Variants in CDH2 observed in about 807,000 individuals in gnomAD.
The protein encoded by CDH2 is cadherin 2, also known as cadherin-2.
CDH2 carries 17 observed loss-of-function variants against 92.0 expected under a neutral mutation model. The observed-to-expected ratio is 0.18, with a 90% CI of 0.13 to 0.28. CDH2 has a LOEUF of 0.28. Ranked by LOEUF, CDH2 falls within the 10% of genes least tolerant of loss-of-function variation. The pLI, the probability that CDH2 is intolerant of heterozygous loss-of-function variation, is 1.00. For missense variants in CDH2, 862 were observed against 1,133.1 expected (o/e 0.76, Z 3.44); for synonymous variants, 419 against 415.9 (o/e 1.01, Z -0.09).
chr18:28,098,461 C>G (rs1289192090), intron 2 of CDH2, among the ~76,000 whole-genome samples: 1 of 152,078 alleles, frequency 6.6e-6, no homozygotes, highest in Non-Finnish European at 1.5e-5. Context: ...TGATCAATAC[C>G]TTGTTTTATG....
chr18:28,159,665 T>TG (rs1001684203), intron 1 of CDH2, among the ~76,000 whole-genome samples: 2 of 151,564 alleles, frequency 1.3e-5, no homozygotes, highest in Non-Finnish European at 2.9e-5. Flanking sequence ...TTTGTTTTTT[T>TG]TTTTTTTTTG....
At chr18:28,135,606 G>C (rs900562819) in intron 2 of CDH2, among the ~76,000 whole-genome samples, 1 of 152,146 alleles carries the variant, frequency 6.6e-6, no homozygotes, top group Non-Finnish European at 1.5e-5. Context: ...TAAATGCAAA[G>C]AGATGCTTTA....
intron 2 of CDH2, among the ~76,000 whole-genome samples, chr18:28,127,541 A>G (rs1265456432): frequency 6.6e-6 from 1 of 152,204 alleles, no homozygotes; most frequent in Non-Finnish European, 1.5e-5. Context: ...ATTTTATTTA[A>G]TGTTCCTAAA....
intron 2 of CDH2, among the ~76,000 whole-genome samples, chr18:28,060,878 T>G (rs948566577): frequency 6.6e-6 from 1 of 152,196 alleles, no homozygotes; most frequent in African/African-American, 2.4e-5. Context: ...TTTTCGGGCA[T>G]TTCCAAAGGA....
chr18:28,136,624 A>G (rs11564336), intron 2 of CDH2, among the ~76,000 whole-genome samples: 31,285 of 152,070 alleles, frequency 0.21, 3,742 homozygotes, highest in Non-Finnish European at 0.28. Context: ...GTCTACCCAA[A>G]GACATAAAGT....
intron 2 of CDH2, among the ~76,000 whole-genome samples, chr18:28,104,344 T>C (rs1047550924): frequency 6.6e-6 from 1 of 152,134 alleles, no homozygotes. Flanking sequence ...ATCATAAAAT[T>C]TGATAACAGG....
chr18:28,059,241 G>A (rs2014354393), intron 2 of CDH2, among the ~76,000 whole-genome samples: 1 of 152,196 alleles, frequency 6.6e-6, no homozygotes, highest in South Asian at 2.1e-4. Context: ...TGAATAACAG[G>A]TTAAGACTGG....
At chr18:27,962,873 A>G (rs2011444358) in intron 15 of CDH2, among the ~76,000 whole-genome samples, 1 of 151,902 alleles carries the variant, frequency 6.6e-6, no homozygotes, top group South Asian at 2.1e-4. Flanking sequence ...AATCACTTAC[A>G]TAATATTTAA....
At chr18:28,071,703 T>C (rs2014621235) in intron 2 of CDH2, among the ~76,000 whole-genome samples, 1 of 152,332 alleles carries the variant, frequency 6.6e-6, no homozygotes, top group Admixed American at 6.5e-5. Context: ...TTAAGATAAA[T>C]ACTGTCACTT....
At chr18:28,044,694 T>C (rs964874478) in intron 2 of CDH2, among the ~76,000 whole-genome samples, 7 of 152,126 alleles carry the variant, frequency 4.6e-5, no homozygotes, top group African/African-American at 1.7e-4. Flanking sequence ...ATGTTTGGGT[T>C]CAATGGTTCA....
At chr18:28,097,277 G>A (rs1379064500) in intron 2 of CDH2, 1 of 151,822 alleles carries the variant, frequency 6.6e-6, no homozygotes, top group East Asian at 1.9e-4. Context: ...GACCAAAAAG[G>A]GATTGAAAAT....
intron 1 of CDH2, among the ~76,000 whole-genome samples, chr18:28,155,092 T>C (rs1003632452): frequency 6.6e-6 from 1 of 152,188 alleles, no homozygotes; most frequent in Admixed American, 6.5e-5. Context: ...AGGCCTTCTT[T>C]TGCATTATGT....
intron 2 of CDH2, among the ~76,000 whole-genome samples, chr18:28,068,670 A>G (rs998211262): frequency 1.3e-5 from 2 of 152,214 alleles, no homozygotes; most frequent in South Asian, 2.1e-4. Context: ...TATAAAAATA[A>G]TAACATTAGC....
intron 2 of CDH2, among the ~76,000 whole-genome samples, chr18:28,070,647 G>A (rs683457): frequency 0.54 from 82,131 of 152,078 alleles, 22,977 homozygotes; most frequent in African/African-American, 0.69. Context: ...TGGAATACCT[G>A]CTGTGAGTTG....
At chr18:28,176,823 CGCGCG>C (rs776383044) in intron 1 of CDH2, 135 bp downstream of exon 1, 27 of 278,980 alleles carry the variant, frequency 9.7e-5, no homozygotes, top group East Asian at 3.5e-4. Context: ...AGCTACCGGC[CGCGCG>C]GCGCGGCGCG....
At chr18:28,060,046 T>A (rs982565171) in intron 2 of CDH2, among the ~76,000 whole-genome samples, 6 of 152,198 alleles carry the variant, frequency 3.9e-5, no homozygotes, top group African/African-American at 1.4e-4. Flanking sequence ...CCTGGTTTTT[T>A]TTTTGGCAAA....
At chr18:28,131,492 A>G (rs1195061650) in intron 2 of CDH2, among the ~76,000 whole-genome samples, 1 of 152,032 alleles carries the variant, frequency 6.6e-6, no homozygotes, top group East Asian at 1.9e-4. Flanking sequence ...AACATCAATC[A>G]CTGCAGTGGT....
At chr18:28,004,778 TAGA>T (rs1376438058) in intron 6 of CDH2, among the ~76,000 whole-genome samples, 1 of 152,164 alleles carries the variant, frequency 6.6e-6, no homozygotes, top group Non-Finnish European at 1.5e-5. Context: ...CGATGTGACT[TAGA>T]AGGAGTCACA....
chr18:28,016,232 C>T (rs965818064), intron 2 of CDH2, among the ~76,000 whole-genome samples: 2 of 152,162 alleles, frequency 1.3e-5, no homozygotes, highest in Non-Finnish European at 2.9e-5. Flanking sequence ...AGTGGATCTT[C>T]TCTCCCTAAG....
Sources: gnomAD v4.1 joint callset for allele counts (sites outside exome capture counted in the v4.1 genomes callset) on GRCh38, gnomAD v4.1.1 for gene constraint, MANE v1.5 for transcripts, NCBI Gene and HGNC (gene_info 2026-07-23, HGNC 2026-07-21) for gene names.